SLC9A9: variants seen among roughly 807,000 people sequenced by gnomAD.
SLC9A9 encodes solute carrier family 9 member A9, also known as sodium/hydrogen exchanger 9.
SLC9A9 carries 62 observed loss-of-function variants against 77.8 expected under a neutral mutation model. That is an observed-to-expected ratio of 0.80 (90% CI 0.65 to 0.98). The LOEUF (loss-of-function observed/expected upper bound fraction) is 0.98. SLC9A9 is among the 50% of genes least tolerant of loss of function. The probability of loss-of-function intolerance (pLI) is 0.00; values close to 1 mark genes in which losing one functional copy is unlikely to be tolerated. For missense variants in SLC9A9, 775 were observed against 774.9 expected (o/e 1.00, Z 0.00); for synonymous variants, 320 against 283.5 (o/e 1.13, Z -1.29).
intron 14 of SLC9A9, among the ~76,000 whole-genome samples, chr3:143,356,420 C>A (rs1349120895): frequency 6.6e-6 from 1 of 152,132 alleles, no homozygotes; most frequent in Non-Finnish European, 1.5e-5. Context: ...GTTACCTGAA[C>A]AAAAGACTGC....
chr3:143,625,228 T>C lies in SLC9A9; in HGVS notation c.755+27027A>G, dbSNP rs1218785906. 8.5e-5 allele frequency among the ~76,000 whole-genome samples: 13 copies of C among 152,362 alleles called. No homozygotes were observed. In the East Asian group the frequency reaches 2.3e-3, roughly 27 times the overall value. On this transcript the variant is annotated intron_variant, in intron 6 of 15. Coordinates refer to ENST00000316549, the MANE Select transcript of SLC9A9 (RefSeq NM_173653.4). ...AAATTCAATGCCATCCCCATCAAGC[T>C]ACCAATGACTTTCTTCACAGAATTG... is the stretch of plus-strand genomic sequence containing the variant.
At position 143,714,416 on chromosome 3, in the gene SLC9A9, C is replaced by A. The variant is rs1440895909; in HGVS notation, c.534-21109G>T. Among the ~76,000 whole-genome samples, 4 of 152,152 alleles carry A rather than the reference C, an allele frequency of 2.6e-5. No individual in the cohort carries two copies. In the East Asian group the frequency reaches 7.7e-4, roughly 29 times the overall value. On this transcript the variant is annotated intron_variant, in intron 4 of 15. Transcript: ENST00000316549. ...TCACCTTATGTGATCCGGTGTTAAA[C>A]TGCCATTTTACATTTTGAATTGGTT...
intron 6 of SLC9A9, among the ~76,000 whole-genome samples, chr3:143,629,098 C>T (rs2038378269): frequency 6.6e-6 from 1 of 152,144 alleles, no homozygotes; most frequent in Non-Finnish European, 1.5e-5. Flanking sequence ...GTGGTGACAT[C>T]ATCAAGAGAT....
chr3:143,435,388 ACAAAGT>A (rs1350844697), intron 12 of SLC9A9, among the ~76,000 whole-genome samples: 1 of 152,222 alleles, frequency 6.6e-6, no homozygotes. Flanking sequence ...GAAGTAGGTA[ACAAAGT>A]CAAAGTTTTC....
At chr3:143,657,894 T>A (rs1199934004) in intron 5 of SLC9A9, among the ~76,000 whole-genome samples, 10 of 152,188 alleles carry the variant, frequency 6.6e-5, no homozygotes, top group Non-Finnish European at 1.3e-4. Context: ...TGAGACTGAG[T>A]CTCGCTCTGT....
intron 4 of SLC9A9, among the ~76,000 whole-genome samples, chr3:143,764,604 T>C (rs1308049012): frequency 1.3e-5 from 2 of 152,350 alleles, no homozygotes; most frequent in East Asian, 1.9e-4. Flanking sequence ...TCTTGCTCTG[T>C]TGCCCAGGCT....
chr3:143,777,013 A>G (rs1017462383), intron 4 of SLC9A9, among the ~76,000 whole-genome samples: 2 of 152,194 alleles, frequency 1.3e-5, no homozygotes, highest in African/African-American at 2.4e-5. Flanking sequence ...CTGAGTATCT[A>G]TCTGACGAAA....
At chr3:143,684,549 C>T (rs16854049) in intron 5 of SLC9A9, among the ~76,000 whole-genome samples, 2,473 of 152,146 alleles carry the variant, frequency 0.016, 58 homozygotes, top group African/African-American at 0.055. Context: ...TACCAAGTTT[C>T]TTGAACCTGT....
intron 12 of SLC9A9, among the ~76,000 whole-genome samples, chr3:143,390,018 CTG>C: frequency 6.6e-6 from 1 of 152,254 alleles, no homozygotes; most frequent in East Asian, 1.9e-4. Flanking sequence ...CATGGACACA[CTG>C]TCATTGACAG....
At chr3:143,370,537 A>G (rs949743995) in intron 13 of SLC9A9, among the ~76,000 whole-genome samples, 2 of 150,334 alleles carry the variant, frequency 1.3e-5, no homozygotes, top group Non-Finnish European at 2.9e-5. Context: ...ACTCTTTTAT[A>G]TACATGTACA....
chr3:143,539,942 TAGTG>T (rs2036658434), intron 9 of SLC9A9, among the ~76,000 whole-genome samples: 1 of 151,782 alleles, frequency 6.6e-6, no homozygotes, highest in Non-Finnish European at 1.5e-5. Flanking sequence ...GGGCTCTACA[TAGTG>T]AGAAAGAATA....
intron 6 of SLC9A9, among the ~76,000 whole-genome samples, chr3:143,636,996 A>C (rs895711420): frequency 1.3e-5 from 2 of 152,234 alleles, no homozygotes; most frequent in Non-Finnish European, 2.9e-5. Context: ...AGTCCCATTA[A>C]AATGAATGTA....
intron 13 of SLC9A9, 23 bp from the exon 14 acceptor site, chr3:143,363,586 G>C: frequency 6.3e-7 from 1 of 1,598,284 alleles, no homozygotes; most frequent in Non-Finnish European, 8.6e-7. Flanking sequence ...AATAGAAAAA[G>C]GCATTGGGTA....
At chr3:143,826,199 C>T (rs150497529) in intron 2 of SLC9A9, among the ~76,000 whole-genome samples, 2,601 of 150,934 alleles carry the variant, frequency 0.017, 79 homozygotes, top group African/African-American at 0.06. Context: ...GCAGAGGTTG[C>T]AGTGAGCTGG....
chr3:143,472,097 A>G (rs2035387247), intron 11 of SLC9A9, among the ~76,000 whole-genome samples: 1 of 152,210 alleles, frequency 6.6e-6, no homozygotes, highest in East Asian at 1.9e-4. Context: ...GGGCATCTTG[A>G]TTTAAGGTGC....
chr3:143,821,050 C>G (rs1157632118), intron 2 of SLC9A9, among the ~76,000 whole-genome samples: 1 of 152,146 alleles, frequency 6.6e-6, no homozygotes, highest in Non-Finnish European at 1.5e-5. Context: ...GCAAGGACCA[C>G]AGTCACAGCA....
chr3:143,528,908 A>T (rs1350880061), intron 9 of SLC9A9, among the ~76,000 whole-genome samples: 1 of 152,186 alleles, frequency 6.6e-6, no homozygotes, highest in Non-Finnish European at 1.5e-5. Context: ...ATTGATCTTC[A>T]TGACTTATAA....
In SLC9A9 at chr3:143,459,664, T is replaced by C. The variant is rs535386361; in HGVS notation, c.1469+7373A>G. Among the ~76,000 whole-genome samples, 4 of 152,242 alleles carry C rather than the reference T, an allele frequency of 2.6e-5. No homozygotes were observed. The South Asian group carries it at 8.3e-4, about 32-fold the overall frequency. ...GCCTAATTTTGAGCTCGAAAATTTATAGACAACTTTATAGGGTCGATTTCT... is the reference window on the plus strand; with the variant it reads ...GCCTAATTTTGAGCTCGAAAATTTACAGACAACTTTATAGGGTCGATTTCT... On this transcript the variant is annotated intron_variant, in intron 12 of 15. Coordinates refer to ENST00000316549, the MANE Select transcript of SLC9A9 (RefSeq NM_173653.4).
chr3:143,693,909 G>A (rs1050501254), intron 4 of SLC9A9, among the ~76,000 whole-genome samples: 26 of 152,118 alleles, frequency 1.7e-4, no homozygotes, highest in African/African-American at 5.6e-4. Flanking sequence ...GTTGCATTGC[G>A]ATCTTTCAAG....
Sources: gnomAD v4.1 joint callset for allele counts (sites outside exome capture counted in the v4.1 genomes callset) on GRCh38, gnomAD v4.1.1 for gene constraint, MANE v1.5 for transcripts, NCBI Gene and HGNC (gene_info 2026-07-23, HGNC 2026-07-21) for gene names.